PPP2R5C: variants seen among roughly 807,000 people sequenced by gnomAD.
PPP2R5C encodes the protein protein phosphatase 2 regulatory subunit B'gamma.
In PPP2R5C, 7 loss-of-function variants were observed where a neutral mutation model predicts 68.9. The ratio of observed to expected loss-of-function variants is 0.10; its 90% CI spans 0.06 to 0.19. PPP2R5C has a LOEUF of 0.19. Ranked by LOEUF, PPP2R5C falls within the 10% of genes least tolerant of loss-of-function variation. The pLI, the probability that PPP2R5C is intolerant of heterozygous loss-of-function variation, is 1.00. For synonymous variants in PPP2R5C, 210 were observed against 222.2 expected (o/e 0.95, Z 0.49); for missense variants, 348 against 641.3 (o/e 0.54, Z 4.94).
chr14:101,884,885 T>C (rs1281753643), intron 5 of PPP2R5C, among the ~76,000 whole-genome samples: 1 of 152,240 alleles, frequency 6.6e-6, no homozygotes, highest in Non-Finnish European at 1.5e-5. Context: ...AGTTTCGTGC[T>C]CCCCACTGCG....
At chr14:101,785,913 G>A (rs775921107) in intron 2 of PPP2R5C, 105 bp from the exon 3 acceptor site, 9 of 1,049,674 alleles carry the variant, frequency 8.6e-6, no homozygotes, top group Non-Finnish European at 9.1e-6. Context: ...GAGTGAAGGG[G>A]AATGCCCCAG....
intron 2 of PPP2R5C, among the ~76,000 whole-genome samples, chr14:101,771,412 A>G (rs2037146784): frequency 1.3e-5 from 2 of 151,834 alleles, no homozygotes; most frequent in African/African-American, 4.8e-5. Flanking sequence ...GTGCCACCAC[A>G]CTATCTTGTA....
intron 1 of PPP2R5C, among the ~76,000 whole-genome samples, chr14:101,853,561 A>G (rs2042269931): frequency 6.6e-6 from 1 of 152,232 alleles, no homozygotes; most frequent in African/African-American, 2.4e-5. Flanking sequence ...CAGTGTTTAT[A>G]ACGCGAATGA....
chr14:101,864,088 C>T (rs1566918940), intron 2 of PPP2R5C, among the ~76,000 whole-genome samples: 1 of 152,134 alleles, frequency 6.6e-6, no homozygotes, highest in Admixed American at 6.5e-5. Flanking sequence ...CAGAGAACAA[C>T]TTGTTATACT....
rs2046048172 is a variant in PPP2R5C, at chr14:101,906,740, G to A, written c.1151+211G>A. The A allele has an allele frequency of 3.5e-6, 2 of 574,624 alleles. No individual in the cohort carries two copies. Among genetic ancestry groups the A allele is most frequent in the South Asian group, 5.2e-5 (2 of 38,822 alleles). The allele number at this position is 574,624 out of a possible 1,614,324, so 35.6% of individuals were successfully genotyped here. A position where few individuals can be genotyped will look rare whatever the true frequency, so the allele number is the denominator to read the frequency against. ...TTATACCTTCATTCCTGCCAGTATA[G>A]AGGCACATTGGTTTGCAGCCACCTC... On this transcript the variant is annotated intron_variant, in intron 10 of 13. Coordinates refer to ENST00000334743, the Ensembl canonical transcript of PPP2R5C. This position sits in a 1 kb window ranked among gnomAD's most constrained non-coding sequence, Gnocchi z 4.0.
intron 1 of PPP2R5C, among the ~76,000 whole-genome samples, chr14:101,829,800 C>A (rs1378704194): frequency 1.3e-5 from 2 of 152,174 alleles, no homozygotes; most frequent in African/African-American, 4.8e-5. Context: ...CTCATCCTTA[C>A]GCAGTGCCTT....
chr14:101,770,983 C>T (rs1322041138), intron 2 of PPP2R5C, among the ~76,000 whole-genome samples: 3 of 152,230 alleles, frequency 2.0e-5, no homozygotes, highest in South Asian at 2.1e-4. Flanking sequence ...CAGGGCACAG[C>T]GGTGTCTGGT....
At chr14:101,870,848 G>A (rs957450870) in intron 2 of PPP2R5C, among the ~76,000 whole-genome samples, 3 of 152,098 alleles carry the variant, frequency 2.0e-5, no homozygotes, top group African/African-American at 4.8e-5. Context: ...TCTTAGACTC[G>A]TAAATTAGTA....
chr14:101,903,951 G>A (rs1338935945), intron 9 of PPP2R5C, among the ~76,000 whole-genome samples: 1 of 152,086 alleles, frequency 6.6e-6, no homozygotes, highest in African/African-American at 2.4e-5. Context: ...TGAGATTACA[G>A]GCATAAGCCA....
At chr14:101,861,524 A>G (rs572662498) in intron 2 of PPP2R5C, among the ~76,000 whole-genome samples, 1 of 152,360 alleles carries the variant, frequency 6.6e-6, no homozygotes, top group South Asian at 2.1e-4. Flanking sequence ...CAAGCTGACA[A>G]CCACACACCC....
At chr14:101,907,993 C>T (rs1460506840) in intron 10 of PPP2R5C, among the ~76,000 whole-genome samples, 2 of 152,176 alleles carry the variant, frequency 1.3e-5, no homozygotes, top group Admixed American at 1.3e-4. Flanking sequence ...GAAGGGCAGG[C>T]AGATCAGAGT....
chr14:101,868,407 T>C (rs904201911), intron 2 of PPP2R5C, among the ~76,000 whole-genome samples: 7 of 152,202 alleles, frequency 4.6e-5, no homozygotes, highest in African/African-American at 7.2e-5. Context: ...TTTTAAAAAG[T>C]TAATCTTTTT....
chr14:101,860,862 C>T (rs959707706), intron 2 of PPP2R5C, among the ~76,000 whole-genome samples: 2 of 152,192 alleles, frequency 1.3e-5, no homozygotes, highest in Admixed American at 1.3e-4. Context: ...GATCATCTAG[C>T]TTGACCCTTT....
chr14:101,829,964 A>C (rs1014712763), intron 1 of PPP2R5C, among the ~76,000 whole-genome samples: 3 of 152,144 alleles, frequency 2.0e-5, no homozygotes, highest in Non-Finnish European at 4.4e-5. Context: ...TTTTTTTTCA[A>C]AACTTGTTTC....
intron 2 of PPP2R5C, among the ~76,000 whole-genome samples, chr14:101,785,172 G>A (rs1329644098): frequency 6.6e-6 from 1 of 152,158 alleles, no homozygotes; most frequent in South Asian, 2.1e-4. Context: ...GGGGCTCAAG[G>A]GGAGGCACTC....
chr14:101,901,646 A>T, intron 8 of PPP2R5C, 73 bp from the exon 11 acceptor site: 1 of 1,514,326 alleles, frequency 6.6e-7, no homozygotes, highest in Non-Finnish European at 9.1e-7. Context: ...CGCAGTGAAA[A>T]CACAGACTTC....
chr14:101,896,863 A>T (rs781173719), intron 8 of PPP2R5C, among the ~76,000 whole-genome samples: 1 of 152,204 alleles, frequency 6.6e-6, no homozygotes, highest in Non-Finnish European at 1.5e-5. Context: ...TCTTTTGTGA[A>T]GTTGTAATTT....
At position 101,819,035 on chromosome 14, in the gene PPP2R5C, C is replaced by T. The variant is rs1181646083; in HGVS notation, c.94+8999C>T. 5.2e-6 allele frequency: 8 copies of T among 1,551,598 alleles called. No individual in the cohort carries two copies. The East Asian group carries it at 1.7e-4, about 33-fold the overall frequency. On this transcript the variant is annotated intron_variant, in intron 1 of 13. Coordinates refer to ENST00000334743, the Ensembl canonical transcript of PPP2R5C. ...CCCTCAAGCCCTAAAGTACCACCTC[C>T]ACTTCTTCCTGAGTTGCTGGTTCTT...
intron 1 of PPP2R5C, chr14:101,810,065 G>A: frequency 6.3e-7 from 1 of 1,593,458 alleles, no homozygotes; most frequent in Non-Finnish European, 8.6e-7. Context: ...CACTGAATCG[G>A]AACCTTCCGT....
Sources: allele counts gnomAD v4.1 joint callset (sites outside exome capture counted in the v4.1 genomes callset), GRCh38; gene constraint gnomAD v4.1.1; non-coding constraint Gnocchi (gnomAD v3.1); transcripts MANE v1.5; gene names NCBI Gene and HGNC (gene_info 2026-07-23, HGNC 2026-07-21).